Variants in OSTN observed in about 807,000 individuals in gnomAD.
OSTN encodes the protein osteocrin.
Under a neutral mutation model 12.0 loss-of-function variants are expected in OSTN, and 9 were observed. The ratio of observed to expected loss-of-function variants is 0.75; its 90% CI spans 0.45 to 1.30. The LOEUF (loss-of-function observed/expected upper bound fraction) is 1.30, where lower values mean the gene tolerates loss of function less well. Among genes scored for constraint, OSTN ranks in the 50% most tolerant of loss-of-function variants. The probability of loss-of-function intolerance (pLI) is 0.00; values close to 1 mark genes in which losing one functional copy is unlikely to be tolerated. For synonymous variants in OSTN, 59 were observed against 56.9 expected (o/e 1.04, Z -0.16); for missense variants, 148 against 152.3 (o/e 0.97, Z 0.15).
chr3:191,247,958 C>T (rs1014372425), intron 3 of OSTN, among the ~76,000 whole-genome samples: 2 of 152,026 alleles, frequency 1.3e-5, no homozygotes, highest in Non-Finnish European at 2.9e-5. Flanking sequence ...CTCAGACTCC[C>T]GAGTAGCTGG....
chr3:191,209,578 A>G (rs1714367106), intron 1 of OSTN, among the ~76,000 whole-genome samples: 1 of 152,272 alleles, frequency 6.6e-6, no homozygotes, highest in Non-Finnish European at 1.5e-5. Flanking sequence ...AAAATGAACA[A>G]CTATTTTAAA....
intron 1 of OSTN, among the ~76,000 whole-genome samples, chr3:191,208,922 C>T (rs182827755): frequency 2.1e-3 from 327 of 152,332 alleles, no homozygotes; most frequent in African/African-American, 7.8e-3. Context: ...CTTTGGGAGT[C>T]TAAGGCAGGT....
intron 4 of OSTN, among the ~76,000 whole-genome samples, chr3:191,261,019 CAGAG>C (rs1006768864): frequency 2.0e-5 from 3 of 151,918 alleles, no homozygotes; most frequent in African/African-American, 7.3e-5. Context: ...GATCAGATTA[CAGAG>C]AGAGAGAGAT....
intron 1 of OSTN, among the ~76,000 whole-genome samples, chr3:191,200,492 AT>A (rs1714128009): frequency 6.6e-6 from 1 of 152,190 alleles, no homozygotes; most frequent in Admixed American, 6.5e-5. Flanking sequence ...CATTTGATTA[AT>A]AAAATTAGAT....
rs185336999 is a variant in OSTN, at chr3:191,221,196, G to A, written c.317+2235G>A. On this transcript the variant is annotated intron_variant, in intron 3 of 4. Transcript: ENST00000682035. ...TTGTAAGTTTCCTAAGGTCTCCCCAGCCCTGTGGAACTGTGAGTCAATTAA... is the reference window on the plus strand; with the variant it reads ...TTGTAAGTTTCCTAAGGTCTCCCCAACCCTGTGGAACTGTGAGTCAATTAA... Among the ~76,000 whole-genome samples the A allele has an allele frequency of 1.7e-3, 260 of 152,316 alleles. 1 individual carries two copies. The highest frequency in any genetic ancestry group is 5.8e-3 in the African/African-American group (241 of 41,576).
chr3:191,201,882 TATTTATTGAGTAACTA>T (rs1439754340), intron 1 of OSTN, among the ~76,000 whole-genome samples: 2 of 152,216 alleles, frequency 1.3e-5, no homozygotes, highest in African/African-American at 4.8e-5. Flanking sequence ...TGATAACTGT[TATTTATTGAGTAACTA>T]ATTTATGCCT....
intron 4 of OSTN, among the ~76,000 whole-genome samples, chr3:191,256,537 A>C (rs558015587): frequency 1.3e-5 from 2 of 152,076 alleles, no homozygotes; most frequent in African/African-American, 4.8e-5. Flanking sequence ...TTCAAAAAGC[A>C]TAGAGAGAAG....
At chr3:191,219,034 C>A in intron 3 of OSTN, 73 bp downstream of exon 3, 1 of 1,336,298 alleles carries the variant, frequency 7.5e-7, no homozygotes, top group Admixed American at 2.2e-5. Flanking sequence ...TGAGAGAATT[C>A]CACATGAAAA....
rs535256620 is a variant in OSTN, at chr3:191,247,128, G to A, written c.318-2909G>A. On this transcript the variant is annotated intron_variant, in intron 3 of 4. Transcript: ENST00000682035. ...TTAAGAATCTATATATTTACTTTAT[G>A]TGGACAAAGATAATTTAAAATGTAA... is the stretch of plus-strand genomic sequence containing the variant. 3.9e-5 allele frequency among the ~76,000 whole-genome samples: 6 copies of A among 152,306 alleles called. No individual in the cohort carries two copies. In the East Asian group the frequency reaches 9.6e-4, roughly 24 times the overall value.
At chr3:191,254,290 A>G (rs940920025) in intron 4 of OSTN, among the ~76,000 whole-genome samples, 5 of 152,264 alleles carry the variant, frequency 3.3e-5, no homozygotes, top group African/African-American at 1.2e-4. Flanking sequence ...GCATCTTCAG[A>G]ATGCAATGGC....
chr3:191,201,097 A>T (rs1714142373), intron 1 of OSTN, among the ~76,000 whole-genome samples: 1 of 151,868 alleles, frequency 6.6e-6, no homozygotes, highest in African/African-American at 2.4e-5. Flanking sequence ...TTCATTTTTT[A>T]TTTATTTATT....
chr3:191,203,838 A>G (rs1463639055), intron 1 of OSTN, among the ~76,000 whole-genome samples: 1 of 152,170 alleles, frequency 6.6e-6, no homozygotes, highest in Non-Finnish European at 1.5e-5. Flanking sequence ...TGCTACTGCC[A>G]ATTGAAGAGC....
At chr3:191,236,256 G>C (rs1054922953) in intron 3 of OSTN, among the ~76,000 whole-genome samples, 2 of 152,262 alleles carry the variant, frequency 1.3e-5, no homozygotes, top group Admixed American at 6.5e-5. Flanking sequence ...AACTGAGATA[G>C]AAAGCATCCC....
intron 4 of OSTN, among the ~76,000 whole-genome samples, chr3:191,262,620 A>G (rs1484366187): frequency 6.6e-6 from 1 of 152,232 alleles, no homozygotes; most frequent in Non-Finnish European, 1.5e-5. Context: ...ACTTTTTATA[A>G]TTTTTATTAA....
At chr3:191,255,050 A>G (rs1228618504) in intron 4 of OSTN, among the ~76,000 whole-genome samples, 1 of 151,970 alleles carries the variant, frequency 6.6e-6, no homozygotes, top group Non-Finnish European at 1.5e-5. Context: ...CTGGAAGACA[A>G]TTTTTCCAAG....
chr3:191,235,345 T>C (rs972052939), intron 3 of OSTN, among the ~76,000 whole-genome samples: 2 of 152,328 alleles, frequency 1.3e-5, no homozygotes, highest in Non-Finnish European at 2.9e-5. Context: ...ACCCCATTCA[T>C]CCTGGAAGGC....
intron 3 of OSTN, among the ~76,000 whole-genome samples, chr3:191,226,941 C>T (rs959960733): frequency 4.0e-5 from 6 of 151,844 alleles, no homozygotes; most frequent in African/African-American, 1.5e-4. Flanking sequence ...GGAAGTTCTA[C>T]ATAGAGAAGG....
intron 3 of OSTN, among the ~76,000 whole-genome samples, chr3:191,233,317 C>G (rs1481089094): frequency 6.6e-6 from 1 of 152,222 alleles, no homozygotes; most frequent in African/African-American, 2.4e-5. Flanking sequence ...TTTTCTGATT[C>G]ATGTGCAAAT....
At chr3:191,227,953 G>A (rs770004029) in intron 3 of OSTN, among the ~76,000 whole-genome samples, 1 of 151,750 alleles carries the variant, frequency 6.6e-6, no homozygotes, top group Admixed American at 6.6e-5. Context: ...TCCATGCCAC[G>A]AATCCCCTTT....
Sources: gnomAD v4.1 joint callset for allele counts (sites outside exome capture counted in the v4.1 genomes callset) on GRCh38, gnomAD v4.1.1 for gene constraint, MANE v1.5 for transcripts, NCBI Gene and HGNC (gene_info 2026-07-23, HGNC 2026-07-21) for gene names.